BMP2K: variants seen among roughly 807,000 people sequenced by gnomAD.
BMP2K encodes BMP-2-inducible protein kinase.
A neutral mutation model predicts 116.0 loss-of-function variants in BMP2K; 74 were observed. That is an observed-to-expected ratio of 0.64 (90% CI 0.53 to 0.77). The LOEUF is 0.77. Ranked by LOEUF, BMP2K falls within the 30% of genes least tolerant of loss-of-function variation. The probability of loss-of-function intolerance (pLI) is 0.00; values close to 1 mark genes in which losing one functional copy is unlikely to be tolerated. For synonymous variants in BMP2K, 486 were observed against 502.5 expected, an observed-to-expected ratio of 0.97 and a Z score of 0.44; for missense variants, 1,365 against 1,403.6, an observed-to-expected ratio of 0.97 and a Z score of 0.44.
chr4:78,820,020 ATTAC>A (rs1434810732), intron 1 of BMP2K, among the ~76,000 whole-genome samples: 2 of 152,258 alleles, frequency 1.3e-5, no homozygotes, highest in African/African-American at 2.4e-5. Context: ...TATTCTTACT[ATTAC>A]TTACTGGCAT....
At chr4:78,856,175 T>C (rs529502128) in intron 7 of BMP2K, among the ~76,000 whole-genome samples, 126 of 152,092 alleles carry the variant, frequency 8.3e-4, no homozygotes, top group Non-Finnish European at 4.6e-4. Flanking sequence ...AATTGAAGGG[T>C]CAAATTCTTT....
At chr4:78,846,946 A>G (rs1365583910) in intron 5 of BMP2K, among the ~76,000 whole-genome samples, 2 of 150,768 alleles carry the variant, frequency 1.3e-5, no homozygotes. Flanking sequence ...AATAAAGACA[A>G]TTAAGCTTTT....
intron 1 of BMP2K, among the ~76,000 whole-genome samples, chr4:78,821,250 C>T (rs530481721): frequency 1.2e-4 from 18 of 152,250 alleles, no homozygotes; most frequent in African/African-American, 3.1e-4. Flanking sequence ...AGTGATGATG[C>T]GCTTTGTGTA....
In BMP2K at chr4:78,863,390, CT is replaced by C. The variant is rs1731889388; in HGVS notation, c.1067+1923del. On this transcript the variant is annotated intron_variant, in intron 9 of 15. Coordinates refer to ENST00000502613, the MANE Select transcript of BMP2K (RefSeq NM_198892.2). ...CAAAAAGCGCCTGTGGGTTTCTCAG[CT>C]GCCTTCAATCTGTGGTATTCTTTGC... Among the ~76,000 whole-genome samples, 4 of 152,238 alleles carry C rather than the reference CT, an allele frequency of 2.6e-5. No homozygotes were observed. In the South Asian group the frequency reaches 8.3e-4, roughly 32 times the overall value.
chr4:78,852,466 TC>T (rs1226237247), intron 7 of BMP2K, among the ~76,000 whole-genome samples: 2 of 152,192 alleles, frequency 1.3e-5, no homozygotes, highest in Non-Finnish European at 2.9e-5. Flanking sequence ...TTACCTCCTG[TC>T]AGAGGGCTTT....
At chr4:78,837,958 T>G (rs1327446861) in intron 3 of BMP2K, among the ~76,000 whole-genome samples, 1 of 152,144 alleles carries the variant, frequency 6.6e-6, no homozygotes, top group Non-Finnish European at 1.5e-5. Flanking sequence ...AGTTTTAAAT[T>G]TTTTTCTTTT....
chr4:78,896,527 GAA>G (rs1276679786), intron 15 of BMP2K, among the ~76,000 whole-genome samples: 1 of 152,018 alleles, frequency 6.6e-6, no homozygotes, highest in Non-Finnish European at 1.5e-5. Flanking sequence ...TGATTAATAA[GAA>G]AAATATATGT....
chr4:78,850,766 T>C, intron 6 of BMP2K, 158 bp from the exon 7 acceptor site: 1 of 622,662 alleles, frequency 1.6e-6, no homozygotes, highest in South Asian at 3.8e-5. Context: ...TAAATGTCTT[T>C]TCAAAAATTA....
chr4:78,877,602 A>AG (rs989638255), intron 13 of BMP2K, among the ~76,000 whole-genome samples: 17 of 152,318 alleles, frequency 1.1e-4, no homozygotes, highest in African/African-American at 3.6e-4. Flanking sequence ...TACCTCCTAA[A>AG]GGACCTGCCT....
chr4:78,786,774 C>T (rs913566312), intron 1 of BMP2K, among the ~76,000 whole-genome samples: 5 of 152,146 alleles, frequency 3.3e-5, no homozygotes, highest in Admixed American at 2.0e-4. Context: ...TTATGCCTTC[C>T]TTTGCTCTGC....
At chr4:78,854,720 TG>T (rs1263265577) in intron 7 of BMP2K, among the ~76,000 whole-genome samples, 2 of 152,136 alleles carry the variant, frequency 1.3e-5, no homozygotes, top group African/African-American at 4.8e-5. Flanking sequence ...ACCCATATTG[TG>T]GGAAACCAGG....
At chr4:78,804,412 G>C (rs546118345) in intron 1 of BMP2K, among the ~76,000 whole-genome samples, 107 of 151,966 alleles carry the variant, frequency 7.0e-4, no homozygotes, top group African/African-American at 2.4e-3. Context: ...AAAATTTTTT[G>C]CGTGGATATA....
At chr4:78,820,129 G>T (rs1284486260) in intron 1 of BMP2K, among the ~76,000 whole-genome samples, 1 of 152,108 alleles carries the variant, frequency 6.6e-6, no homozygotes, top group East Asian at 1.9e-4. Flanking sequence ...AAGTTTTTAG[G>T]CTAATTTTAG....
chr4:78,879,586 C>A (rs1732799173), intron 14 of BMP2K: 1 of 259,256 alleles, frequency 3.9e-6, no homozygotes, highest in Non-Finnish European at 6.0e-6. Flanking sequence ...GCAAAAAGCT[C>A]ACTTCTAGAG....
chr4:78,852,539 A>G (rs1731306974), intron 7 of BMP2K, among the ~76,000 whole-genome samples: 1 of 152,188 alleles, frequency 6.6e-6, no homozygotes, highest in African/African-American at 2.4e-5. Flanking sequence ...TTTTAAAACC[A>G]TAACTTACTT....
chr4:78,863,034 G>A (rs113650400), intron 9 of BMP2K, among the ~76,000 whole-genome samples: 25 of 151,990 alleles, frequency 1.6e-4, no homozygotes, highest in South Asian at 2.1e-4. Context: ...TAAAAAAAGC[G>A]TAAGTCAGCT....
rs1025507744 is a variant in BMP2K at position 78,776,385 on chromosome 4, C to G, written c.-159C>G. ...GAGCCGCGGAGCGGGCGGCGGGGCC[C>G]AGGCTGTGCGCTTGGGGAGCGCGGA... On this transcript the variant is annotated 5_prime_UTR_variant, in exon 1 of 16. Transcript: ENST00000502613. The G allele has an allele frequency of 1.0e-5, 7 of 692,012 alleles. No homozygotes were observed. The highest frequency in any genetic ancestry group is 1.1e-5 in the Non-Finnish European group (6 of 541,942). The allele number at this position is 692,012 out of a possible 1,614,324, so 42.9% of individuals were successfully genotyped here. A position where few individuals can be genotyped will look rare whatever the true frequency, so the allele number is the denominator to read the frequency against.
At chr4:78,878,924 C>T in intron 14 of BMP2K, 33 bp downstream of exon 14, 1 of 1,591,622 alleles carries the variant, frequency 6.3e-7, no homozygotes, top group South Asian at 1.2e-5. Context: ...TTTTGCTTCA[C>T]AGTAAAATAA....
In BMP2K at chr4:78,899,655, A is replaced by AT. The variant is rs538919816; in HGVS notation, c.2063-10941dup. Among the ~76,000 whole-genome samples, 1,228 of 146,102 alleles carry AT rather than the reference A, an allele frequency of 8.4e-3. 6 individuals are homozygous for AT. The highest frequency in any genetic ancestry group is 0.026 in the African/African-American group (1,051 of 40,262). On this transcript the variant is annotated intron_variant, in intron 15 of 15. Coordinates refer to ENST00000502613, the MANE Select transcript of BMP2K (RefSeq NM_198892.2). Reference sequence around the variant, plus strand: ...GAAGTACAGGAGGGCTGAAGAAAGAATTTTTTTTTTTTTTCCCAAAGGATT... The same window carrying AT: ...GAAGTACAGGAGGGCTGAAGAAAGAATTTTTTTTTTTTTTTCCCAAAGGATT...
Sources: gnomAD v4.1 joint callset for allele counts (sites outside exome capture counted in the v4.1 genomes callset) on GRCh38, gnomAD v4.1.1 for gene constraint, MANE v1.5 for transcripts, NCBI Gene and HGNC (gene_info 2026-07-23, HGNC 2026-07-21) for gene names.